Variants in RBFOX3 observed in about 807,000 individuals in gnomAD.
RBFOX3 encodes the protein RNA binding fox-1 homolog 3.
RBFOX3 carries 17 observed loss-of-function variants against 48.7 expected under a neutral mutation model. The ratio of observed to expected loss-of-function variants is 0.35; its 90% CI spans 0.24 to 0.52. The LOEUF is 0.52. Among genes scored for constraint, RBFOX3 ranks in the 20% least tolerant of loss-of-function variants. The pLI is 0.94. For missense variants in RBFOX3, 382 were observed against 497.5 expected (o/e 0.77, Z 2.21); for synonymous variants, 212 against 209.5 (o/e 1.01, Z -0.10).
At chr17:79,341,580 C>T (rs991678073) in intron 2 of RBFOX3, among the ~76,000 whole-genome samples, 2 of 152,122 alleles carry the variant, frequency 1.3e-5, no homozygotes, top group African/African-American at 4.8e-5. Context: ...CACGGCTGTC[C>T]TACACGCCAC....
chr17:79,566,482 C>T (rs2092459602), intron 1 of RBFOX3, among the ~76,000 whole-genome samples: 1 of 152,238 alleles, frequency 6.6e-6, no homozygotes, highest in Non-Finnish European at 1.5e-5. Context: ...ATGTGCTGTG[C>T]ATCCTGGGGT....
intron 3 of RBFOX3, among the ~76,000 whole-genome samples, chr17:79,295,996 T>G (rs2145117174): frequency 6.6e-6 from 1 of 152,204 alleles, no homozygotes. Context: ...GCCACCTTCA[T>G]TCTTCCATTT....
chr17:79,261,564 G>A (rs879757804), intron 3 of RBFOX3, among the ~76,000 whole-genome samples: 1 of 152,222 alleles, frequency 6.6e-6, no homozygotes, highest in Non-Finnish European at 1.5e-5. Context: ...TCCCTGGAGG[G>A]CTCTCCACAG....
At chr17:79,293,665 C>T (rs9915729) in intron 3 of RBFOX3, among the ~76,000 whole-genome samples, 26,813 of 151,928 alleles carry the variant, frequency 0.18, 2,690 homozygotes, top group Middle Eastern at 0.29. Flanking sequence ...GTTGGCTGGG[C>T]TGGTCTCGAA....
the RBFOX3 span, among the ~76,000 whole-genome samples, chr17:79,625,191 C>T: frequency 3.3e-5 from 5 of 152,168 alleles, no homozygotes; most frequent in Admixed American, 3.3e-4. Context: ...CCCCGGGCAA[C>T]CACTGCCTTG....
chr17:79,276,920 C>G (rs1328526996), intron 3 of RBFOX3, among the ~76,000 whole-genome samples: 1 of 152,186 alleles, frequency 6.6e-6, no homozygotes, highest in African/African-American at 2.4e-5. Context: ...CTGGTACAGG[C>G]TGGAGCAGGG....
intron 4 of RBFOX3, among the ~76,000 whole-genome samples, chr17:79,193,665 A>C (rs948546250): frequency 1.3e-5 from 2 of 152,200 alleles, no homozygotes; most frequent in African/African-American, 4.8e-5. Context: ...AGTGGCTGCC[A>C]CTTGGCTGAG....
chr17:79,120,958 C>A (rs987130415), intron 4 of RBFOX3, among the ~76,000 whole-genome samples: 1 of 152,070 alleles, frequency 6.6e-6, no homozygotes, highest in Non-Finnish European at 1.5e-5. Flanking sequence ...CATTCAGAAT[C>A]CATGACCACC....
chr17:79,092,230 G>T, intron 14 of RBFOX3: 1 of 985,512 alleles, frequency 1.0e-6, no homozygotes, highest in Non-Finnish European at 1.2e-6. Context: ...CCCTCATAGG[G>T]CGCTACCGCT....
chr17:79,332,880 T>C (rs2080591856), intron 2 of RBFOX3, among the ~76,000 whole-genome samples: 1 of 131,106 alleles, frequency 7.6e-6, no homozygotes, highest in Non-Finnish European at 1.6e-5. Flanking sequence ...AAAACAGAGA[T>C]GGGGAGACAA....
intron 2 of RBFOX3, among the ~76,000 whole-genome samples, chr17:79,402,650 A>G (rs1598536889): frequency 1.3e-5 from 2 of 152,200 alleles, no homozygotes; most frequent in South Asian, 4.1e-4. Context: ...ACGACTGGCT[A>G]TCATCTTTGG....
At chr17:79,416,223 G>T (rs753825113) in intron 2 of RBFOX3, among the ~76,000 whole-genome samples, 10 of 152,230 alleles carry the variant, frequency 6.6e-5, no homozygotes, top group Non-Finnish European at 1.2e-4. Context: ...CCCGGGAGCA[G>T]CTGGAATCAC....
At chr17:79,498,468 CTCATCCA>C in intron 1 of RBFOX3, among the ~76,000 whole-genome samples, 1 of 13,264 alleles carries the variant, frequency 7.5e-5, no homozygotes, top group Middle Eastern at 0.05. Context: ...TACCCATTCA[CTCATCCA>C]TCCATCCATC....
intron 3 of RBFOX3, among the ~76,000 whole-genome samples, chr17:79,253,666 G>A (rs1255910644): frequency 6.6e-6 from 1 of 152,178 alleles, no homozygotes; most frequent in East Asian, 1.9e-4. Flanking sequence ...AGACATCTCT[G>A]GAATTTCAAA....
At chr17:79,484,884 G>A (rs955558800) in intron 1 of RBFOX3, among the ~76,000 whole-genome samples, 125 of 152,316 alleles carry the variant, frequency 8.2e-4, no homozygotes, top group African/African-American at 1.7e-3. Context: ...TCCAATGACC[G>A]GAGAAGCAGA....
chr17:79,452,279 C>T (rs1399631604), intron 2 of RBFOX3, among the ~76,000 whole-genome samples: 2 of 152,072 alleles, frequency 1.3e-5, no homozygotes, highest in African/African-American at 2.4e-5. Context: ...GATGGGCAAT[C>T]GGCAGTGCAG....
Position 79,361,923 on chromosome 17 carries a change from GT to G in RBFOX3, c.-174-54100del, listed in dbSNP as rs1480783696. 6.6e-6 allele frequency among the ~76,000 whole-genome samples: 1 copy of G among 152,208 alleles called. No homozygotes were observed. Among genetic ancestry groups the G allele is most frequent in the Non-Finnish European group, 1.5e-5 (1 of 68,024 alleles). ...ACTTCAATAAAAATGTTATAAAAAT[GT>G]CTTATTTTGGTAGTTAATTGCCATT... is the stretch of plus-strand genomic sequence containing the variant. On this transcript the variant is annotated intron_variant, in intron 2 of 14. Coordinates refer to ENST00000693108, the MANE Select transcript of RBFOX3 (RefSeq NM_001350451.2). The surrounding 1 kb of genome is among the most constrained non-coding windows in gnomAD (Gnocchi z 4.5).
intron 4 of RBFOX3, among the ~76,000 whole-genome samples, chr17:79,154,387 A>T (rs2045294426): frequency 6.6e-6 from 1 of 152,186 alleles, no homozygotes; most frequent in Non-Finnish European, 1.5e-5. Context: ...TGAGCCTGTG[A>T]GGACCAAGAC....
At position 79,354,155 on chromosome 17, in the gene RBFOX3, G is replaced by A. The variant is rs138521592; in HGVS notation, c.-174-46331C>T. Among the ~76,000 whole-genome samples the A allele has an allele frequency of 2.4e-3, 364 of 152,210 alleles. 1 individual carries two copies. The highest frequency in any genetic ancestry group is 8.3e-3 in the African/African-American group (346 of 41,524). ...CATCAGTTCAATGGGTGAACTATAC[G>A]GACAACGTCATTGTCACCCAGAGTC... is the stretch of plus-strand genomic sequence containing the variant. On this transcript the variant is annotated intron_variant, in intron 2 of 14. Coordinates refer to ENST00000693108, the MANE Select transcript of RBFOX3 (RefSeq NM_001350451.2).
Sources: allele counts gnomAD v4.1 joint callset (sites outside exome capture counted in the v4.1 genomes callset), GRCh38; gene constraint gnomAD v4.1.1; non-coding constraint Gnocchi (gnomAD v3.1); transcripts MANE v1.5; gene names NCBI Gene and HGNC (gene_info 2026-07-23, HGNC 2026-07-21).